The following UTS2 variants were observed in gnomAD, a reference collection of about 807,000 sequenced individuals.
The protein encoded by UTS2 is urotensin-2.
A neutral mutation model predicts 12.6 loss-of-function variants in UTS2; 10 were observed. The observed-to-expected ratio is 0.80, with a 90% CI of 0.49 to 1.35. The LOEUF is 1.35. Among genes scored for constraint, UTS2 ranks in the 40% most tolerant of loss-of-function variants. The probability of loss-of-function intolerance (pLI) is 0.00; values close to 1 mark genes in which losing one functional copy is unlikely to be tolerated. For missense variants in UTS2, 142 were observed against 143.2 expected, an observed-to-expected ratio of 0.99 and a Z score of 0.04; for synonymous variants, 52 against 50.0, an observed-to-expected ratio of 1.04 and a Z score of -0.17.
the UTS2 span, among the ~76,000 whole-genome samples, chr1:7,862,654 G>A: frequency 6.6e-6 from 1 of 152,030 alleles, no homozygotes; most frequent in East Asian, 1.9e-4. Flanking sequence ...AGAGACAGGA[G>A]GGCCAGGCTC....
Position 7,850,837 on chromosome 1 carries a change from T to C in UTS2, c.189A>G (p.Glu63=). The C allele has an allele frequency of 6.2e-7, 1 of 1,614,212 alleles. No individual in the cohort carries two copies. The highest frequency in any genetic ancestry group is 8.5e-7 in the Non-Finnish European group (1 of 1,180,040). The change falls in exon 2 of 4, where the codon GAA becomes GAG. Residue 63 remains glutamate (E), a synonymous_variant. Transcript: ENST00000361696. ...LQILPEMLGA[E]RGDILRKADS... The stretch of plus-strand genomic sequence containing the variant: ...CTGCTTTCCTGAGAATATCCCCTCT[T>C]TCTGCACCCAGCATCTCTGGCAGTA...
chr1:7,849,621 C>CTAT lies in UTS2; in HGVS notation c.258+18_258+19insATA. ...AATGTTCACCTTTTTAAACCTAACT[C>CTAT]ATAAATAGAGTCACTTACCTTTCTC... On this transcript the variant is annotated intron_variant, in intron 3 of 3. Transcript: ENST00000361696. 1 of 1,600,800 alleles carries CTAT rather than the reference C, an allele frequency of 6.2e-7. No homozygotes were observed. The highest frequency in any genetic ancestry group is 1.1e-5 in the South Asian group (1 of 89,308).
At chr1:7,902,189 T>G in the UTS2 span, among the ~76,000 whole-genome samples, 1 of 7,286 alleles carries the variant, frequency 1.4e-4, no homozygotes, top group Non-Finnish European at 2.3e-4. Context: ...GGCTCCAGGC[T>G]ATCTCTGCCC....
the UTS2 span, among the ~76,000 whole-genome samples, chr1:7,859,874 C>T: frequency 6.6e-6 from 1 of 152,094 alleles, no homozygotes; most frequent in African/African-American, 2.4e-5. Context: ...TTGCATGCAC[C>T]TGTAGTCCCA....
chr1:7,878,215 C>T, the UTS2 span, among the ~76,000 whole-genome samples: 1 of 152,196 alleles, frequency 6.6e-6, no homozygotes, highest in Non-Finnish European at 1.5e-5. Flanking sequence ...GAAAAAACGT[C>T]TTTCCCAGAT....
chr1:7,898,165 T>C, the UTS2 span, among the ~76,000 whole-genome samples: 1 of 152,294 alleles, frequency 6.6e-6, no homozygotes, highest in African/African-American at 2.4e-5. Context: ...TTTTTTCTTG[T>C]CATAAGTTAC....
At chr1:7,860,702 G>GCAA in the UTS2 span, among the ~76,000 whole-genome samples, 1 of 151,898 alleles carries the variant, frequency 6.6e-6, no homozygotes, top group Admixed American at 6.5e-5. Context: ...CCAAGGTGCT[G>GCAA]GGATTACAGG....
At chr1:7,857,404 G>A (rs1253994576), upstream of UTS2, among the ~76,000 whole-genome samples, 2 of 151,152 alleles carry the variant, frequency 1.3e-5, no homozygotes, top group Non-Finnish European at 1.5e-5. Flanking sequence ...CATTAAAATA[G>A]TAACCAAAAG....
the UTS2 span, among the ~76,000 whole-genome samples, chr1:7,905,756 G>T: frequency 3.5e-4 from 54 of 152,250 alleles, 2 homozygotes; most frequent in South Asian, 0.01. Context: ...TTTCTTCCTT[G>T]GTGAATTGTT....
At chr1:7,879,582 A>T in the UTS2 span, among the ~76,000 whole-genome samples, 5 of 152,154 alleles carry the variant, frequency 3.3e-5, no homozygotes, top group African/African-American at 1.2e-4. Flanking sequence ...CTCTACTAAA[A>T]ATACAAAAAT....
chr1:7,854,536 G>A (rs1070443), upstream of UTS2, among the ~76,000 whole-genome samples: 308 of 143,622 alleles, frequency 2.1e-3, 1 homozygote, highest in African/African-American at 2.4e-3. Context: ...AAAGAAGAAA[G>A]AAAAGTGGTT....
the UTS2 span, among the ~76,000 whole-genome samples, chr1:7,867,417 C>T: frequency 1.3e-5 from 2 of 152,216 alleles, no homozygotes; most frequent in Non-Finnish European, 2.9e-5. Flanking sequence ...ATCCAACAGG[C>T]TTGGTGTCCT....
At chr1:7,874,631 C>T in the UTS2 span, among the ~76,000 whole-genome samples, 1 of 152,240 alleles carries the variant, frequency 6.6e-6, no homozygotes, top group East Asian at 1.9e-4. Flanking sequence ...AGCTGCCCGC[C>T]TGGGACCACT....
chr1:7,847,986 T>G (rs939669213), intron 3 of UTS2, 104 bp from the exon 4 acceptor site: 2 of 800,644 alleles, frequency 2.5e-6, no homozygotes, highest in Non-Finnish European at 4.0e-6. Flanking sequence ...GACACTGGAC[T>G]TCTTAAAAGT....
chr1:7,850,957 C>G, intron 1 of UTS2, 35 bp from the exon 2 acceptor site: 1 of 1,601,284 alleles, frequency 6.2e-7, no homozygotes, highest in Non-Finnish European at 8.6e-7. Context: ...GAATTGGGTT[C>G]ATCCTTCAGT....
the UTS2 span, among the ~76,000 whole-genome samples, chr1:7,870,907 G>T: frequency 2.6e-5 from 4 of 152,204 alleles, no homozygotes; most frequent in Non-Finnish European, 5.9e-5. Context: ...CCATGAGGAG[G>T]TCTCAATAAT....
the UTS2 span, among the ~76,000 whole-genome samples, chr1:7,907,518 T>A: frequency 6.6e-6 from 1 of 151,598 alleles, no homozygotes. Flanking sequence ...TTTAAAAAAA[T>A]TTAAAAATTA....
chr1:7,853,476 T>TTA, upstream of UTS2: 1 of 1,586,040 alleles, frequency 6.3e-7, no homozygotes. Flanking sequence ...CATGCTGTGT[T>TTA]TAGGGCTGCC....
chr1:7,854,370 C>A (rs1415968443), upstream of UTS2, among the ~76,000 whole-genome samples: 10 of 137,244 alleles, frequency 7.3e-5, no homozygotes, highest in African/African-American at 1.1e-4. Flanking sequence ...GAAGGAGAAA[C>A]ACTGTCTCTA....
Sources: gnomAD v4.1 joint callset for allele counts (sites outside exome capture counted in the v4.1 genomes callset) on GRCh38, gnomAD v4.1.1 for gene constraint, MANE v1.5 for transcripts, NCBI Gene and HGNC (gene_info 2026-07-23, HGNC 2026-07-21) for gene names.